The following MAP1LC3B2 variants were observed in gnomAD, a reference collection of about 807,000 sequenced individuals.
MAP1LC3B2 encodes microtubule-associated protein 1 light chain 3 beta 2.
For missense variants in MAP1LC3B2, 155 were observed against 154.6 expected, an observed-to-expected ratio of 1.00 and a Z score of -0.01; for synonymous variants, 62 against 57.8, an observed-to-expected ratio of 1.07 and a Z score of -0.33.
intron 1 of MAP1LC3B2, among the ~76,000 whole-genome samples, chr12:116,571,647 AT>A (rs1484902054): frequency 1.3e-5 from 2 of 150,386 alleles, no homozygotes; most frequent in Non-Finnish European, 1.5e-5. Flanking sequence ...CACCCAGCTA[AT>A]TTTTTTGTAT....
chr12:116,568,168 A>C (rs1331781869), intron 1 of MAP1LC3B2, among the ~76,000 whole-genome samples: 1 of 152,198 alleles, frequency 6.6e-6, no homozygotes, highest in African/African-American at 2.4e-5. Flanking sequence ...GATCCTTTCA[A>C]GGCAATAGAT....
intron 1 of MAP1LC3B2, among the ~76,000 whole-genome samples, chr12:116,564,825 T>C (rs574151150): frequency 6.6e-6 from 1 of 152,340 alleles, no homozygotes; most frequent in South Asian, 2.1e-4. Flanking sequence ...CACTGTGCTC[T>C]GCATGGGATC....
intron 1 of MAP1LC3B2, among the ~76,000 whole-genome samples, chr12:116,566,290 A>T (rs1340859404): frequency 6.6e-6 from 1 of 152,208 alleles, no homozygotes; most frequent in Non-Finnish European, 1.5e-5. Context: ...CCTTGCCTGA[A>T]AGAGAAGGTT....
intron 1 of MAP1LC3B2, among the ~76,000 whole-genome samples, chr12:116,563,007 G>A (rs1387055699): frequency 6.6e-6 from 1 of 152,066 alleles, no homozygotes; most frequent in East Asian, 1.9e-4. Context: ...TGTTGTCCAG[G>A]CTAGAGTGCA....
At chr12:116,562,235 G>A (rs2136958853) in intron 1 of MAP1LC3B2, among the ~76,000 whole-genome samples, 1 of 152,290 alleles carries the variant, frequency 6.6e-6, no homozygotes, top group South Asian at 2.1e-4. Context: ...AAAGATAGTG[G>A]GAGAGTCCTG....
Position 116,575,886 on chromosome 12 carries a change from C to A in MAP1LC3B2, c.-57C>A, listed in dbSNP as rs758251837. The A allele has an allele frequency of 6.2e-7, 1 of 1,609,162 alleles. No individual in the cohort carries two copies. Among genetic ancestry groups the A allele is most frequent in the Admixed American group, 1.7e-5 (1 of 59,724 alleles). On this transcript the variant is annotated 5_prime_UTR_variant, in exon 2 of 2. Coordinates refer to ENST00000556529, the MANE Select transcript of MAP1LC3B2 (RefSeq NM_001085481.3). ...GATTCGCTGCCGCAGCAGCCGCCAC[C>A]CCCAGGAGCCGCCGGGACCCTCGCG...
intron 1 of MAP1LC3B2, among the ~76,000 whole-genome samples, chr12:116,561,312 T>A (rs550967295): frequency 6.7e-6 from 1 of 149,280 alleles, no homozygotes; most frequent in East Asian, 1.9e-4. Flanking sequence ...GGTAGATGGG[T>A]AGATTAGACA....
chr12:116,574,700 T>C (rs890694318), intron 1 of MAP1LC3B2, among the ~76,000 whole-genome samples: 1 of 151,886 alleles, frequency 6.6e-6, no homozygotes, highest in Non-Finnish European at 1.5e-5. Context: ...TTTGTATTTT[T>C]TTAATTTTGG....
chr12:116,564,038 C>A (rs954453273), intron 1 of MAP1LC3B2, among the ~76,000 whole-genome samples: 1 of 152,156 alleles, frequency 6.6e-6, no homozygotes. Context: ...TGCCACCACA[C>A]CCAGCAAATT....
intron 1 of MAP1LC3B2, among the ~76,000 whole-genome samples, chr12:116,565,070 T>C (rs1415084570): frequency 6.6e-6 from 1 of 152,090 alleles, no homozygotes; most frequent in Non-Finnish European, 1.5e-5. Flanking sequence ...AAGTTCACCC[T>C]GATAACTTAA....
At position 116,576,201 on chromosome 12, in the gene MAP1LC3B2, A is replaced by G; in HGVS notation, c.259A>G (p.Ser87Gly). 6.2e-7 allele frequency: 1 copy of G among 1,614,132 alleles called. No individual in the cohort carries two copies. Among genetic ancestry groups the G allele is most frequent in the South Asian group, 1.1e-5 (1 of 91,080 alleles). Residue 87 changes from serine (S) to glycine (G), a missense_variant, in exon 2 of 2, where the codon AGC (serine) becomes GGC (glycine). By Grantham distance (56) the Ser-to-Gly change is moderately conservative (BLOSUM62 0). Coordinates refer to ENST00000556529, the MANE Select transcript of MAP1LC3B2 (RefSeq NM_001085481.3). ...CTTCTTCCTGTTGGTGAACGGACAC[A>G]GCATGGTCAGCGTCTCCACACCAAT... ...QAFFLLVNGH[S>G]MVSVSTPISE...
At position 116,575,918 on chromosome 12, in the gene MAP1LC3B2, C is replaced by G; in HGVS notation, c.-25C>G. ...AGCCGCCGGGACCCTCGCGTCGTCG[C>G]CGCCGCGGCCCAGATCCCCACACCA... is the stretch of plus-strand genomic sequence containing the variant. On this transcript the variant is annotated 5_prime_UTR_variant, in exon 2 of 2. Coordinates refer to ENST00000556529, the MANE Select transcript of MAP1LC3B2 (RefSeq NM_001085481.3). 5.6e-6 allele frequency: 9 copies of G among 1,613,860 alleles called. No individual in the cohort carries two copies. Among genetic ancestry groups the G allele is most frequent in the Non-Finnish European group, 6.8e-6 (8 of 1,179,816 alleles).
At chr12:116,573,258 G>GA (rs34256518) in intron 1 of MAP1LC3B2, among the ~76,000 whole-genome samples, 1 of 151,684 alleles carries the variant, frequency 6.6e-6, no homozygotes, top group Non-Finnish European at 1.5e-5. Flanking sequence ...AACTTGTTAG[G>GA]AAAAAAAAGT....
chr12:116,569,114 G>C (rs941258013), intron 1 of MAP1LC3B2, among the ~76,000 whole-genome samples: 1 of 151,830 alleles, frequency 6.6e-6, no homozygotes, highest in East Asian at 1.9e-4. Context: ...CGCCCACCTC[G>C]GCCTCCCAAA....
At chr12:116,573,780 G>A (rs1195383024) in intron 1 of MAP1LC3B2, among the ~76,000 whole-genome samples, 1 of 152,124 alleles carries the variant, frequency 6.6e-6, no homozygotes, top group Non-Finnish European at 1.5e-5. Flanking sequence ...GCTGCCCAAA[G>A]TTCTGGCATG....
At chr12:116,571,709 C>T (rs965693809) in intron 1 of MAP1LC3B2, among the ~76,000 whole-genome samples, 2 of 151,572 alleles carry the variant, frequency 1.3e-5, no homozygotes, top group East Asian at 3.9e-4. Flanking sequence ...TCTCGATCTC[C>T]TAACCTCGTG....
intron 1 of MAP1LC3B2, among the ~76,000 whole-genome samples, chr12:116,569,063 G>A (rs544894542): frequency 4.0e-5 from 6 of 151,614 alleles, no homozygotes; most frequent in South Asian, 2.1e-4. Context: ...GGGGTTTCAC[G>A]GTGTTAGCCA....
At chr12:116,561,843 C>T (rs1244679793) in intron 1 of MAP1LC3B2, among the ~76,000 whole-genome samples, 1 of 152,220 alleles carries the variant, frequency 6.6e-6, no homozygotes, top group Non-Finnish European at 1.5e-5. Context: ...TGTTCTTGAA[C>T]GAGGCTGGAC....
At position 116,576,307 on chromosome 12, in the gene MAP1LC3B2, A is replaced by C; in HGVS notation, c.365A>C (p.Lys122Thr). ...VCASQETFGM[K>T]LSV ...GCCTCCCAGGAGACGTTCGGGATGA[A>C]ATTGTCAGTGTAAAACCAGAAAAAA... Residue 122 changes from lysine (K) to threonine (T), a missense_variant, in exon 2 of 2, where the codon AAA (lysine) becomes ACA (threonine). Physicochemically the swap from Lys to Thr is moderately conservative, Grantham distance 78 (BLOSUM62 -1). Coordinates refer to ENST00000556529, the MANE Select transcript of MAP1LC3B2 (RefSeq NM_001085481.3). The C allele has an allele frequency of 6.2e-7, 1 of 1,613,964 alleles. No homozygotes were observed. The highest frequency in any genetic ancestry group is 2.2e-5 in the East Asian group (1 of 44,858).
Sources: gnomAD v4.1 joint callset for allele counts (sites outside exome capture counted in the v4.1 genomes callset) on GRCh38, gnomAD v4.1.1 for gene constraint, MANE v1.5 for transcripts, NCBI Gene and HGNC (gene_info 2026-07-23, HGNC 2026-07-21) for gene names.